DLG2: variants seen among roughly 807,000 people sequenced by gnomAD.
The protein encoded by DLG2 is discs large MAGUK scaffold protein 2, also known as disks large homolog 2.
DLG2 carries 45 observed loss-of-function variants against 132.5 expected under a neutral mutation model. The observed-to-expected ratio is 0.34, with a 90% CI of 0.27 to 0.44. The LOEUF (loss-of-function observed/expected upper bound fraction) is 0.44, where lower values mean the gene tolerates loss of function less well. Ranked by LOEUF, DLG2 falls within the 20% of genes least tolerant of loss-of-function variation. The probability of loss-of-function intolerance (pLI) is 1.00; values close to 1 mark genes in which losing one functional copy is unlikely to be tolerated. For missense variants in DLG2, 1,045 were observed against 1,196.9 expected, an observed-to-expected ratio of 0.87 and a Z score of 1.87; for synonymous variants, 424 against 419.6, an observed-to-expected ratio of 1.01 and a Z score of -0.13.
intron 6 of DLG2, among the ~76,000 whole-genome samples, chr11:84,676,224 T>C (rs995569002): frequency 1.3e-4 from 20 of 152,090 alleles, no homozygotes; most frequent in African/African-American, 4.8e-4. Flanking sequence ...TGGCTGTTTG[T>C]GTATAAGAAA....
At chr11:85,393,610 A>G (rs918958590) in intron 3 of DLG2, among the ~76,000 whole-genome samples, 1 of 146,148 alleles carries the variant, frequency 6.8e-6, no homozygotes, top group Non-Finnish European at 1.5e-5. Context: ...TGTGGTATAT[A>G]TATATATATG....
At chr11:84,350,184 CA>C (rs398045349) in intron 7 of DLG2, among the ~76,000 whole-genome samples, 1,855 of 102,142 alleles carry the variant, frequency 0.018, 30 homozygotes, top group African/African-American at 0.045. Context: ...TCCCCCCCCC[CA>C]AAAAAAAAAA....
intron 6 of DLG2, among the ~76,000 whole-genome samples, chr11:84,891,192 C>A (rs1376562458): frequency 6.6e-6 from 1 of 152,118 alleles, no homozygotes; most frequent in Non-Finnish European, 1.5e-5. Flanking sequence ...AAATATGCTA[C>A]ATTTTAAAAG....
At chr11:85,060,349 TATA>T (rs112308504) in intron 6 of DLG2, among the ~76,000 whole-genome samples, 21 of 150,414 alleles carry the variant, frequency 1.4e-4, no homozygotes, top group African/African-American at 3.2e-4. Context: ...TATATGTATA[TATA>T]ATGTTATAAA....
chr11:83,931,567 C>T (rs557410006), intron 14 of DLG2, among the ~76,000 whole-genome samples: 1 of 152,256 alleles, frequency 6.6e-6, no homozygotes, highest in Non-Finnish European at 1.5e-5. Flanking sequence ...TTTAAAAATT[C>T]CTGGTTATAT....
chr11:85,517,614 T>TC (rs2094194880), intron 3 of DLG2, among the ~76,000 whole-genome samples: 1 of 145,380 alleles, frequency 6.9e-6, no homozygotes, highest in African/African-American at 2.5e-5. Context: ...TCTTTCTTCT[T>TC]TTTTTTTTTT....
chr11:84,763,351 G>C (rs1309223391), intron 6 of DLG2: 2 of 152,152 alleles, frequency 1.3e-5, no homozygotes, highest in East Asian at 1.9e-4. Flanking sequence ...GGCTGGAAGT[G>C]TATCGTAAGT....
chr11:83,689,430 T>C (rs1294907075), intron 18 of DLG2, among the ~76,000 whole-genome samples: 1 of 152,176 alleles, frequency 6.6e-6, no homozygotes, highest in Non-Finnish European at 1.5e-5. Flanking sequence ...AATCATCTTT[T>C]TTTATGAACT....
chr11:84,515,590 A>C (rs1451524719), intron 7 of DLG2, among the ~76,000 whole-genome samples: 1 of 151,862 alleles, frequency 6.6e-6, no homozygotes, highest in East Asian at 1.9e-4. Flanking sequence ...CATATAACAT[A>C]AATATGGATA....
At chr11:85,586,061 C>T (rs1441652722) in intron 3 of DLG2, among the ~76,000 whole-genome samples, 1 of 152,152 alleles carries the variant, frequency 6.6e-6, no homozygotes, top group Non-Finnish European at 1.5e-5. Context: ...ATCCCTGCAT[C>T]CTGGTATGAA....
intron 6 of DLG2, among the ~76,000 whole-genome samples, chr11:84,589,572 A>T (rs1235106998): frequency 6.6e-6 from 1 of 152,040 alleles, no homozygotes; most frequent in African/African-American, 2.4e-5. Context: ...GTTAAACATT[A>T]AAAAAAAGAA....
At chr11:84,916,709 A>G (rs1403284941) in intron 6 of DLG2, among the ~76,000 whole-genome samples, 1 of 152,052 alleles carries the variant, frequency 6.6e-6, no homozygotes, top group Non-Finnish European at 1.5e-5. Context: ...TAGCTAAATG[A>G]TGTGACCCTT....
intron 5 of DLG2, among the ~76,000 whole-genome samples, chr11:85,143,773 C>T (rs1273471756): frequency 1.3e-5 from 2 of 151,592 alleles, no homozygotes; most frequent in African/African-American, 2.4e-5. Context: ...AGTTCTATTC[C>T]ATAGTGGTCA....
intron 6 of DLG2, among the ~76,000 whole-genome samples, chr11:85,038,442 A>G (rs143493192): frequency 1.7e-4 from 26 of 152,158 alleles, no homozygotes; most frequent in African/African-American, 5.5e-4. Context: ...AAGCCTCACA[A>G]CAACCTTGTG....
intron 15 of DLG2, among the ~76,000 whole-genome samples, chr11:83,893,940 T>C (rs1478855348): frequency 6.6e-6 from 1 of 152,240 alleles, no homozygotes; most frequent in Non-Finnish European, 1.5e-5. Context: ...CTCAACTTCA[T>C]GTCACATTTT....
intron 4 of DLG2, among the ~76,000 whole-genome samples, chr11:85,179,820 A>T (rs2079567679): frequency 6.6e-6 from 1 of 151,942 alleles, no homozygotes; most frequent in Non-Finnish European, 1.5e-5. Flanking sequence ...AACGGTAGTT[A>T]ATACTTCCTA....
intron 8 of DLG2, among the ~76,000 whole-genome samples, chr11:84,216,501 C>T (rs2096837294): frequency 6.6e-6 from 1 of 152,094 alleles, no homozygotes; most frequent in African/African-American, 2.4e-5. Flanking sequence ...GTTTATCTAA[C>T]AGGATATTGT....
intron 7 of DLG2, among the ~76,000 whole-genome samples, chr11:84,305,380 T>C (rs1257504702): frequency 6.6e-6 from 1 of 152,106 alleles, no homozygotes; most frequent in African/African-American, 2.4e-5. Context: ...AAATTCTAGG[T>C]TAAAAATTAG....
chr11:84,280,566 T>A (rs980648745), intron 7 of DLG2, among the ~76,000 whole-genome samples: 1 of 152,016 alleles, frequency 6.6e-6, no homozygotes, highest in African/African-American at 2.4e-5. Flanking sequence ...TTTTAAAGTG[T>A]GCAAGGCATG....
Sources: gnomAD v4.1 joint callset for allele counts (sites outside exome capture counted in the v4.1 genomes callset) on GRCh38, gnomAD v4.1.1 for gene constraint, MANE v1.5 for transcripts, NCBI Gene and HGNC (gene_info 2026-07-23, HGNC 2026-07-21) for gene names.